ATRNL1: variants seen among roughly 807,000 people sequenced by gnomAD.
ATRNL1 encodes the protein attractin like 1, also known as attractin-like protein 1.
Under a neutral mutation model 182.7 loss-of-function variants are expected in ATRNL1, and 95 were observed. That is an observed-to-expected ratio of 0.52 (90% CI 0.44 to 0.62). The LOEUF (loss-of-function observed/expected upper bound fraction) is 0.62, where lower values mean the gene tolerates loss of function less well. Among genes scored for constraint, ATRNL1 ranks in the 20% least tolerant of loss-of-function variants. The probability of loss-of-function intolerance (pLI) is 0.00; values close to 1 mark genes in which losing one functional copy is unlikely to be tolerated. For synonymous variants in ATRNL1, 576 were observed against 568.3 expected, an observed-to-expected ratio of 1.01 and a Z score of -0.19; for missense variants, 1,471 against 1,679.5, an observed-to-expected ratio of 0.88 and a Z score of 2.17.
chr10:115,631,479 G>A (rs1858507391), intron 26 of ATRNL1, among the ~76,000 whole-genome samples: 1 of 151,982 alleles, frequency 6.6e-6, no homozygotes, highest in Non-Finnish European at 1.5e-5. Flanking sequence ...GAAAGACAAT[G>A]TATGCTATCA....
intron 26 of ATRNL1, among the ~76,000 whole-genome samples, chr10:115,625,984 C>T (rs1858071875): frequency 6.6e-6 from 1 of 152,142 alleles, no homozygotes; most frequent in South Asian, 2.1e-4. Context: ...CCTGAATTTT[C>T]TCCAGCCTGC....
At chr10:115,512,277 C>T (rs1401570584) in intron 24 of ATRNL1, among the ~76,000 whole-genome samples, 3 of 151,780 alleles carry the variant, frequency 2.0e-5, no homozygotes, top group Non-Finnish European at 4.4e-5. Flanking sequence ...CCGTTATTGT[C>T]TCACTGTTTT....
At chr10:115,160,014 G>C in intron 5 of ATRNL1, 26 bp from the exon 6 acceptor site, 1 of 1,532,390 alleles carries the variant, frequency 6.5e-7, no homozygotes, top group Non-Finnish European at 8.8e-7. Context: ...TTAATCTAGT[G>C]TGTTGTTTCA....
intron 8 of ATRNL1, among the ~76,000 whole-genome samples, chr10:115,186,755 T>C (rs1235832257): frequency 6.6e-6 from 1 of 152,010 alleles, no homozygotes; most frequent in African/African-American, 2.4e-5. Context: ...ATACAATGAG[T>C]AAAATCCTCT....
At chr10:115,833,174 T>G (rs541382484) in intron 27 of ATRNL1, among the ~76,000 whole-genome samples, 189 of 152,328 alleles carry the variant, frequency 1.2e-3, no homozygotes, top group African/African-American at 3.9e-3. Flanking sequence ...GCCTACTGTA[T>G]GCAATACAAT....
chr10:115,160,675 T>G (rs1846743371), intron 6 of ATRNL1, among the ~76,000 whole-genome samples: 3 of 151,984 alleles, frequency 2.0e-5, no homozygotes, highest in Non-Finnish European at 1.5e-5. Flanking sequence ...AGATGATTGA[T>G]TTACTGTTGG....
At chr10:115,358,858 C>T (rs562380093) in intron 19 of ATRNL1, among the ~76,000 whole-genome samples, 1 of 151,772 alleles carries the variant, frequency 6.6e-6, no homozygotes, top group African/African-American at 2.4e-5. Context: ...CATTGTCCTA[C>T]TTATGTCTAT....
At chr10:115,473,474 C>T (rs1225166315) in intron 24 of ATRNL1, among the ~76,000 whole-genome samples, 5 of 151,154 alleles carry the variant, frequency 3.3e-5, no homozygotes, top group Non-Finnish European at 5.9e-5. Flanking sequence ...TCAACTTAGT[C>T]CATCTATTTA....
intron 1 of ATRNL1, among the ~76,000 whole-genome samples, chr10:115,107,829 A>AGCAGG (rs527673353): frequency 1.3e-3 from 200 of 152,292 alleles, no homozygotes; most frequent in African/African-American, 4.5e-3. Flanking sequence ...TTGCTTGAAC[A>AGCAGG]GTGACTGGGG....
chr10:115,340,436 C>G (rs967460881), intron 19 of ATRNL1, among the ~76,000 whole-genome samples: 1 of 150,458 alleles, frequency 6.6e-6, no homozygotes, highest in Non-Finnish European at 1.5e-5. Context: ...CCACCACACC[C>G]GGCTAGTTTT....
chr10:115,590,148 A>G (rs782430703), intron 26 of ATRNL1, among the ~76,000 whole-genome samples: 33 of 152,212 alleles, frequency 2.2e-4, no homozygotes, highest in Non-Finnish European at 1.2e-4. Flanking sequence ...TAATGATCAT[A>G]TACTGCCATA....
chr10:115,191,332 G>A (rs1848161700), intron 8 of ATRNL1, among the ~76,000 whole-genome samples: 1 of 151,934 alleles, frequency 6.6e-6, no homozygotes, highest in Admixed American at 6.6e-5. Flanking sequence ...TGTTCTCACC[G>A]GCAGTGTATG....
At chr10:115,204,697 G>T (rs1345901668) in intron 8 of ATRNL1, among the ~76,000 whole-genome samples, 1 of 151,900 alleles carries the variant, frequency 6.6e-6, no homozygotes, top group Non-Finnish European at 1.5e-5. Context: ...CTAGTGTTTT[G>T]TTGAATATTT....
chr10:115,302,118 A>G, intron 17 of ATRNL1, 75 bp downstream of exon 17: 1 of 1,314,782 alleles, frequency 7.6e-7, no homozygotes, highest in Non-Finnish European at 1.0e-6. Context: ...AAGAAGAATT[A>G]AATATTTGAA....
chr10:115,270,423 T>G (rs1554912538), intron 13 of ATRNL1, among the ~76,000 whole-genome samples: 1 of 130,936 alleles, frequency 7.6e-6, no homozygotes, highest in African/African-American at 2.9e-5. Context: ...TAATATATAT[T>G]TGTTTATATA....
chr10:115,668,994 A>C (rs1393465578), intron 26 of ATRNL1, among the ~76,000 whole-genome samples: 1 of 152,106 alleles, frequency 6.6e-6, no homozygotes, highest in Non-Finnish European at 1.5e-5. Flanking sequence ...TCCAGAAAAA[A>C]ATGCTTCGTA....
intron 24 of ATRNL1, among the ~76,000 whole-genome samples, chr10:115,473,134 G>T (rs1264937255): frequency 6.6e-6 from 1 of 151,072 alleles, no homozygotes; most frequent in Non-Finnish European, 1.5e-5. Flanking sequence ...TGTTAATGTG[G>T]TATATCACAT....
chr10:115,361,135 C>T (rs1014399527), intron 19 of ATRNL1, among the ~76,000 whole-genome samples: 2 of 151,920 alleles, frequency 1.3e-5, no homozygotes, highest in Non-Finnish European at 2.9e-5. Flanking sequence ...TGTGTTAGTC[C>T]TCAGTCTTTC....
At chr10:115,316,044 T>A (rs1322438577) in intron 18 of ATRNL1, among the ~76,000 whole-genome samples, 3 of 152,170 alleles carry the variant, frequency 2.0e-5, no homozygotes, top group Non-Finnish European at 2.9e-5. Context: ...GCAGGTTACA[T>A]AAGTATATGT....
Sources: allele counts gnomAD v4.1 joint callset (sites outside exome capture counted in the v4.1 genomes callset), GRCh38; gene constraint gnomAD v4.1.1; transcripts MANE v1.5; gene names NCBI Gene and HGNC (gene_info 2026-07-23, HGNC 2026-07-21).